FOXP2: variants seen among roughly 807,000 people sequenced by gnomAD.
The protein encoded by FOXP2 is forkhead box P2, also known as forkhead box protein P2.
FOXP2 carries 12 observed loss-of-function variants against 115.8 expected under a neutral mutation model. The observed-to-expected ratio is 0.10, with a 90% confidence interval of 0.07 to 0.17. FOXP2 has a LOEUF of 0.17. Among genes scored for constraint, FOXP2 ranks in the 10% least tolerant of loss-of-function variants. The pLI is 1.00. For synonymous variants in FOXP2, 328 were observed against 297.7 expected (o/e 1.10, Z -1.05); for missense variants, 629 against 843.5 (o/e 0.75, Z 3.15).
chr7:114,413,002 G>C (rs964664547), upstream of FOXP2, among the ~76,000 whole-genome samples: 16 of 152,004 alleles, frequency 1.1e-4, no homozygotes, highest in African/African-American at 3.6e-4. Flanking sequence ...TTTAACTTTT[G>C]TTGGTAAAAA....
intron 2 of FOXP2, among the ~76,000 whole-genome samples, chr7:114,487,792 C>T (rs1452424574): frequency 6.6e-6 from 1 of 152,122 alleles, no homozygotes; most frequent in Non-Finnish European, 1.5e-5. Flanking sequence ...ACCACATCAC[C>T]CTGGACTTTT....
chr7:114,250,568 G>T (rs1024748703), intron 1 of FOXP2, among the ~76,000 whole-genome samples: 14 of 152,254 alleles, frequency 9.2e-5, no homozygotes, highest in Non-Finnish European at 1.8e-4. Flanking sequence ...ATTTTTTCAT[G>T]TGTCTGTTGC....
chr7:114,434,587 G>A (rs1794258487), intron 2 of FOXP2, among the ~76,000 whole-genome samples: 1 of 151,792 alleles, frequency 6.6e-6, no homozygotes, highest in Admixed American at 6.6e-5. Context: ...GAGGGTAGGA[G>A]TAGTAAAGAA....
chr7:114,400,781 GC>G (rs375863159), intron 2 of FOXP2, among the ~76,000 whole-genome samples: 14 of 152,146 alleles, frequency 9.2e-5, no homozygotes, highest in African/African-American at 3.4e-4. Context: ...CTGCTATGTG[GC>G]CCAGTTCCTA....
chr7:114,107,765 G>A (rs1280531845), intron 1 of FOXP2, among the ~76,000 whole-genome samples: 2 of 151,804 alleles, frequency 1.3e-5, no homozygotes, highest in East Asian at 3.9e-4. Flanking sequence ...TCATGGGAAG[G>A]GCTTCATTTT....
chr7:114,326,512 G>T (rs900678103), intron 2 of FOXP2, among the ~76,000 whole-genome samples: 9 of 152,136 alleles, frequency 5.9e-5, no homozygotes, highest in Non-Finnish European at 1.0e-4. Flanking sequence ...TATAGGATAT[G>T]ATCTGTGGCT....
chr7:114,217,985 A>G (rs1166970902), intron 1 of FOXP2, among the ~76,000 whole-genome samples: 1 of 152,150 alleles, frequency 6.6e-6, no homozygotes, highest in African/African-American at 2.4e-5. Context: ...GATGGCCATG[A>G]TAGTAGGTTT....
rs147329423 is a variant in FOXP2 at position 114,537,108 on chromosome 7, G to A, written c.258+2402G>A. Reference sequence around the variant, plus strand: ...CCACTTATGTTTTTAAAAAGGGTACGATGTTTTCATTAAAATTTTCAATAA... The same window carrying A: ...CCACTTATGTTTTTAAAAAGGGTACAATGTTTTCATTAAAATTTTCAATAA... On this transcript the variant is annotated intron_variant, in intron 3 of 16. Transcript: ENST00000350908. Among the ~76,000 whole-genome samples, 505 of 151,482 alleles carry A rather than the reference G, an allele frequency of 3.3e-3. 3 individuals carry two copies. The highest frequency in any genetic ancestry group is 0.012 in the African/African-American group (493 of 41,444).
At chr7:114,452,654 C>T (rs903201876) in intron 2 of FOXP2, among the ~76,000 whole-genome samples, 3 of 151,972 alleles carry the variant, frequency 2.0e-5, no homozygotes, top group Non-Finnish European at 2.9e-5. Flanking sequence ...GAAGGCATTT[C>T]GCCTCTCTCA....
chr7:114,372,831 G>A (rs1270423362), intron 2 of FOXP2, among the ~76,000 whole-genome samples: 2 of 152,208 alleles, frequency 1.3e-5, no homozygotes, highest in African/African-American at 2.4e-5. Context: ...GACTGGAAAT[G>A]TAGATTGCGT....
chr7:114,246,299 A>G (rs756878116), intron 1 of FOXP2, among the ~76,000 whole-genome samples: 3 of 152,166 alleles, frequency 2.0e-5, no homozygotes, highest in Admixed American at 6.5e-5. Flanking sequence ...GGCTAGCAGT[A>G]AAGTAGTGAA....
chr7:114,204,666 C>T (rs770576214), intron 1 of FOXP2, among the ~76,000 whole-genome samples: 1 of 152,122 alleles, frequency 6.6e-6, no homozygotes, highest in Non-Finnish European at 1.5e-5. Flanking sequence ...AATATTCTTG[C>T]CTATCAAAAT....
At chr7:114,426,069 T>C (rs1562918965) in intron 1 of FOXP2, among the ~76,000 whole-genome samples, 2 of 151,660 alleles carry the variant, frequency 1.3e-5, no homozygotes, top group Admixed American at 6.6e-5. Flanking sequence ...GCATAAGATG[T>C]GCTGTAAAAT....
At chr7:114,328,771 C>T (rs531788763) in intron 2 of FOXP2, among the ~76,000 whole-genome samples, 1 of 152,232 alleles carries the variant, frequency 6.6e-6, no homozygotes, top group Non-Finnish European at 1.5e-5. Flanking sequence ...ACATGACTTC[C>T]TAGGCCACTG....
chr7:114,171,297 G>A (rs778019929), intron 1 of FOXP2, among the ~76,000 whole-genome samples: 1 of 152,172 alleles, frequency 6.6e-6, no homozygotes, highest in African/African-American at 2.4e-5. Flanking sequence ...ACCTGGGCCA[G>A]GTATGGTGGC....
rs79089889 is a variant in FOXP2 at position 114,120,990 on chromosome 7, A to G, written c.-247+33152A>G. ...CACCAGCAGATTTCTCAACATTGCT[A>G]GCTTGTGTACAATATAGGAAAAGTA... On this transcript the variant is annotated intron_variant, in intron 1 of 19. Transcript: ENST00000635638. Among the ~76,000 whole-genome samples, 11 of 152,196 alleles carry G rather than the reference A, an allele frequency of 7.2e-5. No homozygotes were observed. In the East Asian group the frequency reaches 2.1e-3, roughly 29 times the overall value.
intron 2 of FOXP2, among the ~76,000 whole-genome samples, chr7:114,441,661 C>G (rs773423047): frequency 2.0e-5 from 3 of 152,172 alleles, no homozygotes; most frequent in Non-Finnish European, 4.4e-5. Context: ...TTACAACTCA[C>G]TATTGAGACA....
At chr7:114,392,481 A>C (rs1792627828) in intron 2 of FOXP2, among the ~76,000 whole-genome samples, 1 of 152,222 alleles carries the variant, frequency 6.6e-6, no homozygotes, top group Non-Finnish European at 1.5e-5. Context: ...CAGTGGAATG[A>C]TCTTTTGGAA....
intron 2 of FOXP2, among the ~76,000 whole-genome samples, chr7:114,315,060 A>G (rs978549256): frequency 1.3e-5 from 2 of 152,182 alleles, no homozygotes; most frequent in African/African-American, 4.8e-5. Flanking sequence ...AGCCAGGTGC[A>G]TATACTTTGC....
Sources: gnomAD v4.1 joint callset for allele counts (sites outside exome capture counted in the v4.1 genomes callset) on GRCh38, gnomAD v4.1.1 for gene constraint, MANE v1.5 for transcripts, NCBI Gene and HGNC (gene_info 2026-07-23, HGNC 2026-07-21) for gene names.